PPT1: variants seen among roughly 807,000 people sequenced by gnomAD.
PPT1 encodes the protein ceroid-palmitoyl-palmitoyl-protein thioesterase 1.
Under a neutral mutation model 44.0 loss-of-function variants are expected in PPT1, and 24 were observed. The observed-to-expected ratio is 0.54, with a 90% CI of 0.39 to 0.77. The LOEUF (loss-of-function observed/expected upper bound fraction) is 0.77. Among genes scored for constraint, PPT1 ranks in the 30% least tolerant of loss-of-function variants. The pLI is 0.00. For missense variants in PPT1, 341 were observed against 378.8 expected (o/e 0.90, Z 0.83); for synonymous variants, 148 against 140.2 (o/e 1.06, Z -0.39).
Position 40,091,909 on chromosome 1 carries a change from C to G in PPT1, c.362+136G>C, listed in dbSNP as rs1028080380. 6 of 1,078,842 alleles carry G rather than the reference C, an allele frequency of 5.6e-6. No individual in the cohort carries two copies. In the African/African-American group the frequency reaches 6.5e-5, roughly 12 times the overall value. 66.8% of individuals were successfully genotyped at this position (1,078,842 alleles called of 1,614,324 possible). ...AAAGAAATTAAGTTCCATAAAGCTT[C>G]TTACACAGGAACATTTTAGGAAATT... On this transcript the variant is annotated intron_variant, in intron 3 of 8. Coordinates refer to ENST00000642050, the MANE Select transcript of PPT1 (RefSeq NM_000310.4).
chr1:40,089,409 C>G lies in PPT1; in HGVS notation c.536+1G>C. The stretch of plus-strand genomic sequence containing the variant: ...TAATCTTTTCAGCTAACCATACATA[C>G]CGTTCCTGAACAACTTTGGAGTACG... On this transcript the variant is annotated splice_donor_variant, in intron 5 of 8. Coordinates refer to ENST00000642050, the MANE Select transcript of PPT1 (RefSeq NM_000310.4). LOFTEE classifies it high-confidence loss of function. 1.2e-6 allele frequency: 2 copies of G among 1,612,422 alleles called. No individual in the cohort carries two copies. Among genetic ancestry groups the G allele is most frequent in the Non-Finnish European group, 1.7e-6 (2 of 1,178,456 alleles).
intron 5 of PPT1, among the ~76,000 whole-genome samples, chr1:40,085,128 T>A (rs2124479596): frequency 6.6e-6 from 1 of 152,318 alleles, no homozygotes; most frequent in East Asian, 1.9e-4. Context: ...ATGCTGTGCT[T>A]CAGTGGTCAT....
At chr1:40,071,559 C>G (rs1203109982), downstream of PPT1, 2 of 1,397,182 alleles carry the variant, frequency 1.4e-6, no homozygotes, top group Non-Finnish European at 1.0e-6. Context: ...GTTCTTTGCC[C>G]TCCCTTCACA....
intron 5 of PPT1, among the ~76,000 whole-genome samples, chr1:40,081,452 G>A (rs573119939): frequency 1.3e-5 from 2 of 152,108 alleles, no homozygotes; most frequent in African/African-American, 2.4e-5. Flanking sequence ...AGGGAGAATC[G>A]CTTGAACCTG....
At chr1:40,095,235 C>A (rs1649786747) in intron 1 of PPT1, among the ~76,000 whole-genome samples, 1 of 152,190 alleles carries the variant, frequency 6.6e-6, no homozygotes, top group Non-Finnish European at 1.5e-5. Flanking sequence ...CTGCGCTTTC[C>A]TGACCCCTCC....
intron 5 of PPT1, chr1:40,082,292 G>C (rs939508677): frequency 6.6e-6 from 1 of 152,164 alleles, no homozygotes; most frequent in East Asian, 1.9e-4. Context: ...GTCAGAGATG[G>C]AGCTCTCCCT....
downstream of PPT1, chr1:40,071,483 C>T: frequency 6.2e-7 from 1 of 1,613,752 alleles, no homozygotes; most frequent in Admixed American, 1.7e-5. Context: ...GTTCAAGACC[C>T]TATGGAACGG....
At chr1:40,096,833 T>C in intron 1 of PPT1, 1 of 505,202 alleles carries the variant, frequency 2.0e-6, no homozygotes, top group Middle Eastern at 5.5e-4. Context: ...TGAGAGATGC[T>C]GCATCCTGAC....
Position 40,096,372 on chromosome 1 carries a change from C to T in PPT1, c.124+743G>A, listed in dbSNP as rs186574631. 1.4e-3 allele frequency among the ~76,000 whole-genome samples: 212 copies of T among 152,222 alleles called. 1 individual carries two copies. Among genetic ancestry groups the T allele is most frequent in the Admixed American group, 2.4e-3 (36 of 15,296 alleles). Reference sequence around the variant, plus strand: ...TTAGTTCCCTACTGTATCCTCAGCACCTAGTAGGTGCTCAATAACTGTGTT... The same window carrying T: ...TTAGTTCCCTACTGTATCCTCAGCATCTAGTAGGTGCTCAATAACTGTGTT... On this transcript the variant is annotated intron_variant, in intron 1 of 8. Coordinates refer to ENST00000642050, the MANE Select transcript of PPT1 (RefSeq NM_000310.4).
At position 40,076,823 on chromosome 1, in the gene PPT1, T is replaced by TA; in HGVS notation, c.798+18dup. ...CTGAAAAAACACCAACCTCCCAAGA[T>TA]AGACTCCCTGCCAGTTACCTGTGTG... On this transcript the variant is annotated intron_variant, in intron 8 of 8. Coordinates refer to ENST00000642050, the MANE Select transcript of PPT1 (RefSeq NM_000310.4). 1.2e-6 allele frequency: 2 copies of TA among 1,614,042 alleles called. No homozygotes were observed. Among genetic ancestry groups the TA allele is most frequent in the Non-Finnish European group, 1.7e-6 (2 of 1,179,944 alleles).
At chr1:40,079,393 T>C (rs531257981) in intron 6 of PPT1, among the ~76,000 whole-genome samples, 1 of 6,508 alleles carries the variant, frequency 1.5e-4, no homozygotes, top group Admixed American at 1.4e-3. Context: ...TTTCTTTTCC[T>C]TTTTTTTTTT....
intron 5 of PPT1, among the ~76,000 whole-genome samples, chr1:40,088,574 TA>T (rs999797885): frequency 2.0e-5 from 3 of 151,770 alleles, no homozygotes; most frequent in East Asian, 3.9e-4. Context: ...TTTTTTTTTT[TA>T]AAAATAGATT....
rs141750905 is a variant in PPT1, at chr1:40,093,168, C to T, written c.125-661G>A. On this transcript the variant is annotated intron_variant, in intron 1 of 8. Coordinates refer to ENST00000642050, the MANE Select transcript of PPT1 (RefSeq NM_000310.4). ...ATGAATAAAATGTGGTATATTCACA[C>T]AATGGAATATTACTGAGTTATAAAA... Among the ~76,000 whole-genome samples, 355 of 152,214 alleles carry T rather than the reference C, an allele frequency of 2.3e-3. 1 individual carries two copies. Among genetic ancestry groups the T allele is most frequent in the African/African-American group, 8.2e-3 (340 of 41,530 alleles).
Position 40,073,198 on chromosome 1 carries a change from T to A in PPT1, c.*863A>T, listed in dbSNP as rs1363451981. 1 of 152,212 alleles carries A rather than the reference T, an allele frequency of 6.6e-6. No individual in the cohort carries two copies. The allele number at this position is 152,212 out of a possible 1,614,324, so 9.4% of individuals were successfully genotyped here. On this transcript the variant is annotated 3_prime_UTR_variant, in exon 9 of 9. Transcript: ENST00000642050. ...TGGGGATGGAAGTCAGAAAGCCTGATCTTTTTCATATGGTTCCTCCTATTC... is the reference window on the plus strand; with the variant it reads ...TGGGGATGGAAGTCAGAAAGCCTGAACTTTTTCATATGGTTCCTCCTATTC...
At chr1:40,078,539 G>A (rs1374565613) in intron 7 of PPT1, 21 bp downstream of exon 7, 2 of 1,602,666 alleles carry the variant, frequency 1.2e-6, no homozygotes, top group East Asian at 4.5e-5. Flanking sequence ...CTCCTGGCAT[G>A]TGGCCTAAGT....
At chr1:40,078,075 T>G (rs1360086805) in intron 7 of PPT1, among the ~76,000 whole-genome samples, 1 of 152,216 alleles carries the variant, frequency 6.6e-6, no homozygotes, top group African/African-American at 2.4e-5. Context: ...GGGGGATTGA[T>G]TACAATCTTC....
rs779901294 is a variant in PPT1 at position 40,086,647 on chromosome 1, C to A, written c.536+2763G>T. 1.8e-4 allele frequency among the ~76,000 whole-genome samples: 27 copies of A among 152,150 alleles called. 1 individual carries two copies. Among genetic ancestry groups the A allele is most frequent in the African/African-American group, 9.7e-5 (4 of 41,418 alleles). On this transcript the variant is annotated intron_variant, in intron 5 of 8. Transcript: ENST00000642050. Reference sequence around the variant, plus strand: ...GGGGCATGGTCCCTTCCTGAAGAATCTGAATCGGGACAAAGAGAGTCTAGC... The same window carrying A: ...GGGGCATGGTCCCTTCCTGAAGAATATGAATCGGGACAAAGAGAGTCTAGC...
chr1:40,078,534 G>A (rs778400561), intron 7 of PPT1, 26 bp downstream of exon 7: 4 of 1,596,640 alleles, frequency 2.5e-6, no homozygotes, highest in South Asian at 1.1e-5. Flanking sequence ...TTACTCTCCT[G>A]GCATGTGGCC....
intron 5 of PPT1, among the ~76,000 whole-genome samples, chr1:40,088,360 T>C (rs999703119): frequency 6.6e-6 from 1 of 152,156 alleles, no homozygotes; most frequent in Non-Finnish European, 1.5e-5. Flanking sequence ...TTGGTTAGGC[T>C]GGTCTTGAAC....
Sources: allele counts gnomAD v4.1 joint callset (sites outside exome capture counted in the v4.1 genomes callset), GRCh38; gene constraint gnomAD v4.1.1; transcripts MANE v1.5; gene names NCBI Gene and HGNC (gene_info 2026-07-23, HGNC 2026-07-21).